Variants in ANKRD27 observed in about 807,000 individuals in gnomAD.
The protein encoded by ANKRD27 is ankyrin repeat domain 27, also known as ankyrin repeat domain-containing protein 27.
ANKRD27 carries 112 observed loss-of-function variants against 129.7 expected under a neutral mutation model. That is an observed-to-expected ratio of 0.86 (90% CI 0.74 to 1.01). The LOEUF (loss-of-function observed/expected upper bound fraction) is 1.01. Ranked by LOEUF, ANKRD27 falls within the 50% of genes least tolerant of loss-of-function variation. The pLI, the probability that ANKRD27 is intolerant of heterozygous loss-of-function variation, is 0.00. For synonymous variants in ANKRD27, 516 were observed against 511.2 expected, an observed-to-expected ratio of 1.01 and a Z score of -0.13; for missense variants, 1,258 against 1,300.5, an observed-to-expected ratio of 0.97 and a Z score of 0.50.
chr19:32,597,300 G>C lies in ANKRD27; in HGVS notation c.*845C>G, dbSNP rs923107731. On this transcript the variant is annotated 3_prime_UTR_variant, in exon 29 of 29. Transcript: ENST00000306065. Reference sequence around the variant, plus strand: ...AAATGGCAATAAATTCTAACCGAAAGTAACTCTGACCTGGTTTGTGCTGTT... The same window carrying C: ...AAATGGCAATAAATTCTAACCGAAACTAACTCTGACCTGGTTTGTGCTGTT... The C allele has an allele frequency of 6.6e-6, 1 of 152,570 alleles. No homozygotes were observed. Among genetic ancestry groups the C allele is most frequent in the Non-Finnish European group, 1.5e-5 (1 of 68,014 alleles). 9.5% of individuals were successfully genotyped at this position (152,570 alleles called of 1,614,324 possible).
chr19:32,606,939 C>CAAAAAAAAAAAAAAAAAAAAAAAAA (rs532062312), intron 23 of ANKRD27, among the ~76,000 whole-genome samples: 4 of 65,648 alleles, frequency 6.1e-5, no homozygotes, highest in African/African-American at 1.2e-4. Context: ...CCCATCTCCA[C>CAAAAAAAAAAAAAAAAAAAAAAAAA]AAAAAAAAAA....
chr19:32,616,548 C>CA (rs5827811), intron 21 of ANKRD27, among the ~76,000 whole-genome samples: 10,609 of 93,034 alleles, frequency 0.11, 1,505 homozygotes, highest in East Asian at 0.37. Flanking sequence ...GACTCCGTCT[C>CA]AAAAAAAAAA....
chr19:32,641,766 TC>T (rs149712420), intron 10 of ANKRD27, among the ~76,000 whole-genome samples: 72,056 of 120,112 alleles, frequency 0.6, 20,986 homozygotes, highest in African/African-American at 0.69. Context: ...TTTTACTTCT[TC>T]TTTTTTTTTT....
chr19:32,653,204 C>A (rs1035658622), intron 2 of ANKRD27, among the ~76,000 whole-genome samples: 1 of 152,084 alleles, frequency 6.6e-6, no homozygotes, highest in Non-Finnish European at 1.5e-5. Flanking sequence ...AGCATCTATA[C>A]TAAATAAATT....
chr19:32,647,969 T>C (rs977488374), intron 3 of ANKRD27, among the ~76,000 whole-genome samples: 7 of 152,162 alleles, frequency 4.6e-5, no homozygotes, highest in African/African-American at 1.7e-4. Flanking sequence ...TGTTGCAACA[T>C]TTAAAAAGGA....
intron 23 of ANKRD27, among the ~76,000 whole-genome samples, chr19:32,606,792 TAC>T (rs1156547861): frequency 1.3e-5 from 2 of 151,702 alleles, no homozygotes; most frequent in Admixed American, 6.6e-5. Flanking sequence ...TGAAAAAATA[TAC>T]ACACAGTTTT....
chr19:32,645,993 G>A (rs144156878), intron 4 of ANKRD27, among the ~76,000 whole-genome samples: 7 of 151,838 alleles, frequency 4.6e-5, no homozygotes, highest in East Asian at 2.0e-4. Flanking sequence ...GTACAGAGGC[G>A]TGATCTCAGC....
At chr19:32,628,654 G>A in intron 14 of ANKRD27, 68 bp downstream of exon 14, 1 of 1,595,680 alleles carries the variant, frequency 6.3e-7, no homozygotes, top group Non-Finnish European at 8.6e-7. Flanking sequence ...ACAGCGCACA[G>A]TGGAGAAGGT....
chr19:32,643,883 T>C (rs897161578), intron 5 of ANKRD27: 11 of 534,630 alleles, frequency 2.1e-5, no homozygotes, highest in Non-Finnish European at 3.7e-5. Flanking sequence ...GGTTTGTTTT[T>C]TCTTTTTAAG....
intron 12 of ANKRD27, among the ~76,000 whole-genome samples, chr19:32,635,264 C>T (rs1290041008): frequency 6.6e-6 from 1 of 152,138 alleles, no homozygotes; most frequent in Non-Finnish European, 1.5e-5. Context: ...AACTCTCAGA[C>T]CAATCTGTTT....
At chr19:32,629,309 G>A (rs967491844) in intron 13 of ANKRD27, among the ~76,000 whole-genome samples, 3 of 152,132 alleles carry the variant, frequency 2.0e-5, no homozygotes, top group Non-Finnish European at 4.4e-5. Context: ...TTGGTGGTAG[G>A]GAAAGTAGGT....
chr19:32,669,995 C>CAA (rs11361912), intron 1 of ANKRD27, among the ~76,000 whole-genome samples: 1 of 76,398 alleles, frequency 1.3e-5, no homozygotes, highest in Non-Finnish European at 3.2e-5. Context: ...GATCCCGTCA[C>CAA]AAAAAAAAAA....
intron 2 of ANKRD27, among the ~76,000 whole-genome samples, chr19:32,658,493 G>A (rs1967585606): frequency 6.6e-6 from 1 of 152,184 alleles, no homozygotes; most frequent in South Asian, 2.1e-4. Flanking sequence ...GTATGAATGT[G>A]TTTACTCGGT....
intron 18 of ANKRD27, among the ~76,000 whole-genome samples, chr19:32,621,707 G>A (rs1201024716): frequency 1.3e-5 from 2 of 152,194 alleles, no homozygotes; most frequent in South Asian, 2.1e-4. Flanking sequence ...CTAGAGACCT[G>A]GAGTGGAACA....
intron 14 of ANKRD27, 142 bp from the exon 15 acceptor site, chr19:32,628,307 C>A: frequency 1.5e-6 from 1 of 676,380 alleles, no homozygotes. Flanking sequence ...CGGCACTGTC[C>A]CAGTGCTCAC....
At chr19:32,638,765 T>G (rs1967138148) in intron 12 of ANKRD27, 1 of 155,204 alleles carries the variant, frequency 6.4e-6, no homozygotes, top group Non-Finnish European at 1.4e-5. Context: ...TACAAGCAAC[T>G]TGGAGCTGCC....
chr19:32,641,536 T>A (rs557828813), intron 10 of ANKRD27, among the ~76,000 whole-genome samples: 1 of 152,290 alleles, frequency 6.6e-6, no homozygotes, highest in East Asian at 1.9e-4. Context: ...CAGTCTCTTT[T>A]CCCAGAGGCT....
At chr19:32,626,688 C>T (rs774715405) in intron 16 of ANKRD27, 24 bp downstream of exon 16, 26 of 1,560,800 alleles carry the variant, frequency 1.7e-5, no homozygotes, top group East Asian at 2.4e-5. Flanking sequence ...AGCGACAGCC[C>T]GCCACAAAGG....
Position 32,643,509 on chromosome 19 carries a change from A to G in ANKRD27, c.586-25T>C, listed in dbSNP as rs777897813. The G allele has an allele frequency of 2.2e-5, 35 of 1,613,688 alleles. No individual in the cohort carries two copies. The Admixed American group carries it at 5.8e-4, about 27-fold the overall frequency. On this transcript the variant is annotated intron_variant, in intron 6 of 28. Coordinates refer to ENST00000306065, the MANE Select transcript of ANKRD27 (RefSeq NM_032139.3). ...TCTAGAGGGCAAGAAAAGCACAGTG[A>G]AAGGGCTTGGATTTGCATGGGGGTG...
Sources: allele counts gnomAD v4.1 joint callset (sites outside exome capture counted in the v4.1 genomes callset), GRCh38; gene constraint gnomAD v4.1.1; transcripts MANE v1.5; gene names NCBI Gene and HGNC (gene_info 2026-07-23, HGNC 2026-07-21).